Variants in CDK19 observed in about 807,000 individuals in gnomAD.
CDK19 encodes the protein cyclin dependent kinase 19.
Under a neutral mutation model 68.3 loss-of-function variants are expected in CDK19, and 20 were observed. That is an observed-to-expected ratio of 0.29 (90% CI 0.21 to 0.43). The LOEUF is 0.43. Among genes scored for constraint, CDK19 ranks in the 20% least tolerant of loss-of-function variants. The pLI is 1.00. For missense variants in CDK19, 339 were observed against 623.5 expected, an observed-to-expected ratio of 0.54 and a Z score of 4.86; for synonymous variants, 221 against 222.8, an observed-to-expected ratio of 0.99 and a Z score of 0.07.
At chr6:110,751,988 C>T (rs1332791693) in intron 1 of CDK19, among the ~76,000 whole-genome samples, 3 of 151,278 alleles carry the variant, frequency 2.0e-5, no homozygotes, top group South Asian at 4.2e-4. Context: ...TTGGCTTAGC[C>T]GAGTAGGAGG....
intron 2 of CDK19, among the ~76,000 whole-genome samples, chr6:110,671,920 G>C (rs1771042809): frequency 6.6e-6 from 1 of 152,146 alleles, no homozygotes; most frequent in South Asian, 2.1e-4. Flanking sequence ...TGGGATTACA[G>C]GTACGCACCA....
intron 2 of CDK19, among the ~76,000 whole-genome samples, chr6:110,726,228 A>G (rs1178007981): frequency 6.6e-6 from 1 of 152,178 alleles, no homozygotes; most frequent in African/African-American, 2.4e-5. Context: ...TTTTCTGTAG[A>G]TGGGAAGGAA....
intron 1 of CDK19, among the ~76,000 whole-genome samples, chr6:110,792,920 T>C (rs1302344474): frequency 6.6e-6 from 1 of 152,180 alleles, no homozygotes; most frequent in Non-Finnish European, 1.5e-5. Context: ...TTTGACTCAA[T>C]TACTCCTCGC....
intron 2 of CDK19, among the ~76,000 whole-genome samples, chr6:110,672,565 C>T (rs1271595086): frequency 1.3e-5 from 2 of 152,190 alleles, no homozygotes; most frequent in Non-Finnish European, 2.9e-5. Flanking sequence ...CACTACCACT[C>T]CTCTTGCTTC....
intron 2 of CDK19, among the ~76,000 whole-genome samples, chr6:110,672,508 A>G (rs551664677): frequency 6.6e-6 from 1 of 152,368 alleles, no homozygotes; most frequent in African/African-American, 2.4e-5. Context: ...ATACATTCAT[A>G]TGGTTCAAAA....
At chr6:110,757,073 A>G (rs1327049728) in intron 1 of CDK19, among the ~76,000 whole-genome samples, 4 of 152,178 alleles carry the variant, frequency 2.6e-5, no homozygotes, top group African/African-American at 9.7e-5. Flanking sequence ...GCACTCACAT[A>G]ATGCTATTAT....
chr6:110,660,160 T>C (rs1442332309), intron 4 of CDK19, among the ~76,000 whole-genome samples: 1 of 152,102 alleles, frequency 6.6e-6, no homozygotes, highest in East Asian at 1.9e-4. Context: ...CTTCCTCAAC[T>C]CTGATAGTGA....
chr6:110,721,658 C>A (rs1267510139), intron 2 of CDK19, among the ~76,000 whole-genome samples: 1 of 152,116 alleles, frequency 6.6e-6, no homozygotes, highest in Non-Finnish European at 1.5e-5. Context: ...TGTTTCCTTG[C>A]ACATTCATTC....
chr6:110,798,628 G>GAAAAAAAA (rs59236293), intron 1 of CDK19, among the ~76,000 whole-genome samples: 295 of 54,846 alleles, frequency 5.4e-3, no homozygotes, highest in Middle Eastern at 0.013. Context: ...TCTGTCTCCA[G>GAAAAAAAA]AAAAAAAAAA....
chr6:110,684,966 C>T (rs917241275), intron 2 of CDK19, among the ~76,000 whole-genome samples: 10 of 152,060 alleles, frequency 6.6e-5, no homozygotes. Context: ...TGGCGAAACC[C>T]CATCTCTACT....
intron 6 of CDK19, among the ~76,000 whole-genome samples, chr6:110,631,530 C>G (rs1486072973): frequency 1.3e-5 from 2 of 152,230 alleles, no homozygotes; most frequent in Non-Finnish European, 2.9e-5. Flanking sequence ...TACCCAGACT[C>G]TATTTCCTAC....
Position 110,723,156 on chromosome 6 carries a change from A to AG in CDK19, c.204+22969_204+22970insC, listed in dbSNP as rs1554212160. Among the ~76,000 whole-genome samples the AG allele has an allele frequency of 2.1e-4, 32 of 151,198 alleles. 1 individual carries two copies. The highest frequency in any genetic ancestry group is 6.8e-3 in the Middle Eastern group (2 of 294). ...TTGTCAAAAAAAACAAAAAACAAAA[A>AG]AAAAAACGCAGATTTGTCCTTGTTC... is the stretch of plus-strand genomic sequence containing the variant. On this transcript the variant is annotated intron_variant, in intron 2 of 12. Coordinates refer to ENST00000368911, the MANE Select transcript of CDK19 (RefSeq NM_015076.5).
chr6:110,812,776 C>T (rs945071034), intron 1 of CDK19, among the ~76,000 whole-genome samples: 1 of 148,616 alleles, frequency 6.7e-6, no homozygotes, highest in African/African-American at 2.5e-5. Flanking sequence ...AGTGTAAAAT[C>T]CTTTACTATG....
chr6:110,670,337 C>T lies in CDK19; in HGVS notation c.315+94G>A, dbSNP rs572172212. On this transcript the variant is annotated intron_variant, in intron 3 of 12. Coordinates refer to ENST00000368911, the MANE Select transcript of CDK19 (RefSeq NM_015076.5). The stretch of plus-strand genomic sequence containing the variant: ...TTTGAAATATGGCTAACAGAGCAAG[C>T]TTTCCTTTCTGTGCATTAACAATAT... The T allele has an allele frequency of 1.2e-5, 7 of 601,646 alleles. No homozygotes were observed. In the South Asian group the frequency reaches 2.0e-4, roughly 17 times the overall value. 37.3% of individuals were successfully genotyped at this position (601,646 alleles called of 1,614,324 possible).
At chr6:110,631,345 T>C (rs1582721359) in intron 6 of CDK19, among the ~76,000 whole-genome samples, 1 of 152,234 alleles carries the variant, frequency 6.6e-6, no homozygotes. Flanking sequence ...CAGCTCCTAC[T>C]GACTCCCTCC....
intron 2 of CDK19, among the ~76,000 whole-genome samples, chr6:110,743,059 ACT>A (rs1328380100): frequency 2.6e-5 from 4 of 152,094 alleles, no homozygotes; most frequent in African/African-American, 9.6e-5. Flanking sequence ...CTCTCTTTGT[ACT>A]CTTTCTCTTT....
intron 1 of CDK19, among the ~76,000 whole-genome samples, chr6:110,770,605 T>C (rs1779949547): frequency 6.6e-6 from 1 of 152,150 alleles, no homozygotes; most frequent in Non-Finnish European, 1.5e-5. Flanking sequence ...ATTCCACTCC[T>C]GACCCCTCCA....
chr6:110,701,767 C>A (rs572510342), intron 2 of CDK19, among the ~76,000 whole-genome samples: 1 of 152,156 alleles, frequency 6.6e-6, no homozygotes, highest in Admixed American at 6.5e-5. Context: ...CAGACAGCAT[C>A]AATAAGGAAC....
intron 12 of CDK19, among the ~76,000 whole-genome samples, chr6:110,618,446 C>T (rs962163412): frequency 1.4e-4 from 21 of 152,290 alleles, no homozygotes; most frequent in African/African-American, 4.8e-4. Context: ...TTCTCTCTTG[C>T]GTATACCCAC....
Sources: allele counts gnomAD v4.1 joint callset (sites outside exome capture counted in the v4.1 genomes callset), GRCh38; gene constraint gnomAD v4.1.1; transcripts MANE v1.5; gene names NCBI Gene and HGNC (gene_info 2026-07-23, HGNC 2026-07-21).